SUMF1: variants seen among roughly 807,000 people sequenced by gnomAD.
SUMF1 encodes sulfatase modifying factor 1.
SUMF1 carries 48 observed loss-of-function variants against 47.6 expected under a neutral mutation model. That is an observed-to-expected ratio of 1.01 (90% CI 0.80 to 1.28). The LOEUF is 1.28. SUMF1 is among the 50% of genes most tolerant of loss of function. The pLI, the probability that SUMF1 is intolerant of heterozygous loss-of-function variation, is 0.00. For missense variants in SUMF1, 571 were observed against 485.4 expected (o/e 1.18, Z -1.66); for synonymous variants, 230 against 192.1 (o/e 1.20, Z -1.63).
intron 8 of SUMF1, among the ~76,000 whole-genome samples, chr3:4,213,386 C>G (rs1289014133): frequency 6.6e-6 from 1 of 152,100 alleles, no homozygotes; most frequent in Non-Finnish European, 1.5e-5. Context: ...ACCACCAGGC[C>G]TGCGTTACAA....
At chr3:4,163,400 G>A (rs868498498) in intron 8 of SUMF1, among the ~76,000 whole-genome samples, 27,976 of 38,700 alleles carry the variant, frequency 0.72, 9,378 homozygotes, top group Non-Finnish European at 0.73. Flanking sequence ...GGGAGGGAGG[G>A]AGGGAGGGAG....
At chr3:4,303,618 C>G in intron 8 of SUMF1, 1 of 1,381,938 alleles carries the variant, frequency 7.2e-7, no homozygotes, top group Non-Finnish European at 9.4e-7. Context: ...CTCCCAGTCG[C>G]GACCTTTTGT....
chr3:4,353,505 G>T (rs1348029680), intron 8 of SUMF1, among the ~76,000 whole-genome samples: 1 of 152,114 alleles, frequency 6.6e-6, no homozygotes, highest in Non-Finnish European at 1.5e-5. Context: ...GCCCACCTCG[G>T]CCTCCCAAAG....
chr3:4,043,624 C>T (rs73806837), intron 9 of SUMF1, among the ~76,000 whole-genome samples: 13,637 of 152,066 alleles, frequency 0.09, 713 homozygotes, highest in Middle Eastern at 0.16. Context: ...TAAGTCCTCT[C>T]CCAAGCTCCT....
At chr3:4,327,723 T>C (rs1023779230) in intron 8 of SUMF1, among the ~76,000 whole-genome samples, 2 of 152,116 alleles carry the variant, frequency 1.3e-5, no homozygotes, top group African/African-American at 4.8e-5. Context: ...GCAAATAAGC[T>C]CAATATGTCT....
rs137852852 is a variant in SUMF1, at chr3:4,362,236, G to A, written c.1033C>T (p.Arg345Cys). Residue 345 changes from arginine to cysteine, a missense_variant, in exon 9 of 9, where the codon CGC becomes TGC. By Grantham distance (180) the Arg-to-Cys change is radical. Transcript: ENST00000272902. ...GTGTTCTGGCTCCGAGCAGCACAGC[G>A]ATACCTGTAACAATAAGACTGTGTA... is the stretch of plus-strand genomic sequence containing the variant. ...MCHRSYCYRY[R>C]CAARSQNTPD... The A allele has an allele frequency of 6.2e-6, 10 of 1,614,004 alleles. No homozygotes were observed. Among genetic ancestry groups the A allele is most frequent in the East Asian group, 4.5e-5 (2 of 44,894 alleles).
chr3:4,355,798 G>A (rs1254126809), intron 8 of SUMF1, among the ~76,000 whole-genome samples: 4 of 152,130 alleles, frequency 2.6e-5, no homozygotes, highest in South Asian at 2.1e-4. Context: ...AACTGGAATC[G>A]CCTTCTTCCC....
At position 4,068,292 on chromosome 3, in the gene SUMF1, A is replaced by T. The variant is rs566476196; in HGVS notation, c.1191+277T>A. On this transcript the variant is annotated intron_variant and NMD_transcript_variant, in intron 9 of 12. Coordinates refer to the SUMF1 transcript ENST00000448413. ...GTTCTTAAAGATGGCTTCACCCCCA[A>T]TCCTGAGCCACCACAATCACAACCT... 6.0e-3 allele frequency among the ~76,000 whole-genome samples: 910 copies of T among 152,218 alleles called. 6 individuals are homozygous for T. The highest frequency in any genetic ancestry group is 0.011 in the Admixed American group (170 of 15,286).
At chr3:4,260,503 A>T (rs1011183763) in intron 8 of SUMF1, among the ~76,000 whole-genome samples, 1 of 152,230 alleles carries the variant, frequency 6.6e-6, no homozygotes, top group African/African-American at 2.4e-5. Flanking sequence ...CCTGTTGGTT[A>T]CCAGTTTCCA....
chr3:4,456,454 G>GGT (rs2079601468), intron 1 of SUMF1, among the ~76,000 whole-genome samples: 1 of 134,094 alleles, frequency 7.5e-6, no homozygotes, highest in Non-Finnish European at 1.6e-5. Context: ...GTTTTTCTTT[G>GGT]TTTTTTTTTT....
intron 9 of SUMF1, among the ~76,000 whole-genome samples, chr3:4,039,542 G>T (rs951056605): frequency 6.9e-6 from 1 of 144,612 alleles, no homozygotes; most frequent in Non-Finnish European, 1.5e-5. Flanking sequence ...TCCCTACAAA[G>T]GATATGAACT....
intron 8 of SUMF1, among the ~76,000 whole-genome samples, chr3:4,082,976 T>C (rs1365869079): frequency 6.6e-6 from 1 of 152,256 alleles, no homozygotes; most frequent in South Asian, 2.1e-4. Flanking sequence ...GAGGTTCATA[T>C]TTAAAAGTTC....
chr3:4,371,162 C>G (rs1436044528), intron 8 of SUMF1, among the ~76,000 whole-genome samples: 1 of 152,214 alleles, frequency 6.6e-6, no homozygotes, highest in African/African-American at 2.4e-5. Flanking sequence ...CCTCATTGCT[C>G]TTTCTTTTTT....
At chr3:4,040,411 C>G (rs1418251547) in intron 9 of SUMF1, among the ~76,000 whole-genome samples, 1 of 152,098 alleles carries the variant, frequency 6.6e-6, no homozygotes, top group African/African-American at 2.4e-5. Context: ...ACTATAGTGA[C>G]CAGGAACCCA....
intron 8 of SUMF1, among the ~76,000 whole-genome samples, chr3:4,339,756 C>T (rs553391969): frequency 6.6e-6 from 1 of 152,176 alleles, no homozygotes; most frequent in African/African-American, 2.4e-5. Flanking sequence ...ATTTTTGCAC[C>T]CATCCAAATC....
intron 8 of SUMF1, among the ~76,000 whole-genome samples, chr3:4,176,632 A>AC (rs1559538970): frequency 6.6e-6 from 1 of 152,238 alleles, no homozygotes; most frequent in Non-Finnish European, 1.5e-5. Flanking sequence ...TACATCAATT[A>AC]ACAGGCAAAA....
At position 4,072,622 on chromosome 3, in the gene SUMF1, C is replaced by T. The variant is rs567432946; in HGVS notation, c.1015-3877G>A. Among the ~76,000 whole-genome samples the T allele has an allele frequency of 2.9e-4, 44 of 151,990 alleles. 1 individual carries two copies. The highest frequency in any genetic ancestry group is 5.9e-4 in the Non-Finnish European group (40 of 67,984). ...AGGAATGGCTAACTAGAATAACCAG[C>T]GTAGAGTAGAACATAAATGACCTGT... On this transcript the variant is annotated intron_variant and NMD_transcript_variant, in intron 8 of 12. Coordinates refer to the SUMF1 transcript ENST00000448413.
chr3:4,171,365 A>G (rs770440896), intron 8 of SUMF1, among the ~76,000 whole-genome samples: 10 of 152,150 alleles, frequency 6.6e-5, no homozygotes, highest in Non-Finnish European at 1.5e-5. Context: ...ATCAAAAAGG[A>G]AAGGGTAAAT....
intron 8 of SUMF1, among the ~76,000 whole-genome samples, chr3:4,199,176 A>C (rs1359519496): frequency 6.6e-6 from 1 of 152,116 alleles, no homozygotes; most frequent in Non-Finnish European, 1.5e-5. Flanking sequence ...TCACAGCTCC[A>C]CAGAAACCTG....
Sources: gnomAD v4.1 joint callset for allele counts (sites outside exome capture counted in the v4.1 genomes callset) on GRCh38, gnomAD v4.1.1 for gene constraint, MANE v1.5 for transcripts, NCBI Gene and HGNC (gene_info 2026-07-23, HGNC 2026-07-21) for gene names.